The following AIG1 variants were observed in gnomAD, a reference collection of about 807,000 sequenced individuals.
AIG1 encodes the protein androgen-induced gene 1 protein.
In AIG1, 23 loss-of-function variants were observed where a neutral mutation model predicts 31.4. The ratio of observed to expected loss-of-function variants is 0.73; its 90% CI spans 0.53 to 1.04. The LOEUF (loss-of-function observed/expected upper bound fraction) is 1.04. Ranked by LOEUF, AIG1 falls within the 50% of genes least tolerant of loss-of-function variation. AIG1 has a pLI of 0.00. For synonymous variants in AIG1, 100 were observed against 110.5 expected (o/e 0.90, Z 0.60); for missense variants, 274 against 295.0 (o/e 0.93, Z 0.52).
At chr6:143,237,717 G>C (rs1422676502) in intron 3 of AIG1, among the ~76,000 whole-genome samples, 1 of 152,112 alleles carries the variant, frequency 6.6e-6, no homozygotes, top group African/African-American at 2.4e-5. Context: ...AGAAATGTAG[G>C]AGAAGAGAAA....
chr6:143,196,396 C>T (rs1313163835), intron 3 of AIG1, among the ~76,000 whole-genome samples: 1 of 142,636 alleles, frequency 7.0e-6, no homozygotes, highest in Non-Finnish European at 1.5e-5. Context: ...CACACACACA[C>T]CCCAATTTGA....
At chr6:143,194,657 G>T (rs563627342) in intron 3 of AIG1, among the ~76,000 whole-genome samples, 1 of 152,118 alleles carries the variant, frequency 6.6e-6, no homozygotes, top group Non-Finnish European at 1.5e-5. Flanking sequence ...GGTTTCTCTG[G>T]CCTGGCTTGT....
intron 3 of AIG1, chr6:143,187,356 C>T: frequency 6.6e-7 from 1 of 1,505,056 alleles, no homozygotes; most frequent in Non-Finnish European, 8.9e-7. Context: ...TGCTGCATTC[C>T]ATGGTGTCTC....
chr6:143,162,602 TATGTTATATGGCAAAGGTGAAG>T (rs1786494384), intron 2 of AIG1, among the ~76,000 whole-genome samples: 2 of 152,186 alleles, frequency 1.3e-5, no homozygotes, highest in Admixed American at 6.5e-5. Flanking sequence ...TTGATTAGGT[TATGTTATATGGCAAAGGTGAAG>T]AGATTTGCAT....
At chr6:143,228,606 G>A (rs1038463409) in intron 3 of AIG1, among the ~76,000 whole-genome samples, 7 of 152,170 alleles carry the variant, frequency 4.6e-5, no homozygotes, top group Admixed American at 2.0e-4. Flanking sequence ...GATTTGAGTC[G>A]CCATTAGAGG....
intron 3 of AIG1, among the ~76,000 whole-genome samples, chr6:143,228,639 A>G (rs777021441): frequency 1.8e-4 from 27 of 152,356 alleles, no homozygotes; most frequent in Non-Finnish European, 3.2e-4. Context: ...TTACTTGGAC[A>G]AACGAGAGGG....
intron 1 of AIG1, among the ~76,000 whole-genome samples, chr6:143,114,518 T>C (rs1781577971): frequency 6.6e-6 from 1 of 152,154 alleles, no homozygotes; most frequent in African/African-American, 2.4e-5. Flanking sequence ...AGAAGAAGAA[T>C]ATGAACAATA....
At position 143,291,607 on chromosome 6, in the gene AIG1, C is replaced by T. The variant is rs1300228700; in HGVS notation, c.515+7382C>T. On this transcript the variant is annotated intron_variant, in intron 4 of 5. Coordinates refer to ENST00000357847, the MANE Select transcript of AIG1 (RefSeq NM_016108.4). This position sits in a 1 kb window ranked among gnomAD's most constrained non-coding sequence, Gnocchi z 4.2. ...AAGTCAGAAGATATTCATCCTTCTTCCATTTCCCCCGCCAGAAAGGAAAGA... is the reference window on the plus strand; with the variant it reads ...AAGTCAGAAGATATTCATCCTTCTTTCATTTCCCCCGCCAGAAAGGAAAGA... 1.3e-5 allele frequency among the ~76,000 whole-genome samples: 2 copies of T among 152,200 alleles called. No homozygotes were observed. The highest frequency in any genetic ancestry group is 2.9e-5 in the Non-Finnish European group (2 of 68,030).
At chr6:143,162,868 T>C (rs1358654896) in intron 2 of AIG1, among the ~76,000 whole-genome samples, 1 of 152,154 alleles carries the variant, frequency 6.6e-6, no homozygotes, top group Admixed American at 6.5e-5. Context: ...AGGCTCACAG[T>C]TACTCCAGGT....
At chr6:143,115,551 T>G (rs2128494174) in intron 1 of AIG1, among the ~76,000 whole-genome samples, 1 of 152,362 alleles carries the variant, frequency 6.6e-6, no homozygotes, top group South Asian at 2.1e-4. Flanking sequence ...GCCTGTTTCT[T>G]ATATTGACTG....
chr6:143,325,512 T>C lies in AIG1; in HGVS notation c.516-7770T>C, dbSNP rs1776537865. Among the ~76,000 whole-genome samples, 1 of 152,164 alleles carries C rather than the reference T, an allele frequency of 6.6e-6. No homozygotes were observed. The highest frequency in any genetic ancestry group is 2.4e-5 in the African/African-American group (1 of 41,442). On this transcript the variant is annotated intron_variant, in intron 4 of 5. Transcript: ENST00000357847. This position sits in a 1 kb window ranked among gnomAD's most constrained non-coding sequence, Gnocchi z 4.3. ...ACTCAACATGTCCAGACTGAACTCA[T>C]CATCCCTTCAAACAGGCTCCCTTAC...
intron 1 of AIG1, among the ~76,000 whole-genome samples, chr6:143,077,727 T>A (rs1777862352): frequency 6.6e-6 from 1 of 152,242 alleles, no homozygotes; most frequent in South Asian, 2.1e-4. Context: ...AATTATGTCT[T>A]TCACTCAGTT....
chr6:143,255,713 A>G, intron 3 of AIG1, among the ~76,000 whole-genome samples: 1 of 152,140 alleles, frequency 6.6e-6, no homozygotes, highest in East Asian at 1.9e-4. Context: ...GTATATGCCT[A>G]TATGGATTTT....
chr6:143,071,142 AT>A (rs1777215305), intron 1 of AIG1, among the ~76,000 whole-genome samples: 2 of 152,148 alleles, frequency 1.3e-5, no homozygotes, highest in Admixed American at 1.3e-4. Context: ...TGTTCTTTCT[AT>A]GATTTTTGTC....
chr6:143,080,891 G>T (rs1178651881), intron 1 of AIG1, among the ~76,000 whole-genome samples: 1 of 152,144 alleles, frequency 6.6e-6, no homozygotes, highest in Non-Finnish European at 1.5e-5. Context: ...TAGGGATGGG[G>T]AATTAAAGGG....
At chr6:143,069,420 A>G (rs371570022) in intron 1 of AIG1, among the ~76,000 whole-genome samples, 1 of 152,216 alleles carries the variant, frequency 6.6e-6, no homozygotes, top group African/African-American at 2.4e-5. Context: ...TGGATGTGCC[A>G]TGTTGCATTA....
At chr6:143,233,808 CTT>C (rs1793623969) in intron 3 of AIG1, among the ~76,000 whole-genome samples, 1 of 152,188 alleles carries the variant, frequency 6.6e-6, no homozygotes, top group Admixed American at 6.5e-5. Flanking sequence ...GCAGAAAACT[CTT>C]TAGGCTGAAT....
At chr6:143,139,100 C>T (rs1245319824) in intron 2 of AIG1, among the ~76,000 whole-genome samples, 1 of 152,088 alleles carries the variant, frequency 6.6e-6, no homozygotes, top group African/African-American at 2.4e-5. Flanking sequence ...CTGCCTGAAG[C>T]TTGAAGTATA....
At chr6:143,176,240 T>C (rs187454739) in intron 3 of AIG1, among the ~76,000 whole-genome samples, 17 of 152,300 alleles carry the variant, frequency 1.1e-4, no homozygotes, top group East Asian at 1.9e-4. Flanking sequence ...ATGAGGGTTC[T>C]TGGCTGTATT....
Sources: allele counts gnomAD v4.1 joint callset (sites outside exome capture counted in the v4.1 genomes callset), GRCh38; gene constraint gnomAD v4.1.1; non-coding constraint Gnocchi (gnomAD v3.1); transcripts MANE v1.5; gene names NCBI Gene and HGNC (gene_info 2026-07-23, HGNC 2026-07-21).